Variants in DPP9 observed in about 807,000 individuals in gnomAD.
DPP9 encodes the protein dipeptidyl peptidase 9, also known as dipeptidyl peptidase IV-related protein-2.
A neutral mutation model predicts 110.7 loss-of-function variants in DPP9; 50 were observed. That is an observed-to-expected ratio of 0.45 (90% CI 0.36 to 0.57). The LOEUF is 0.57. Among genes scored for constraint, DPP9 ranks in the 20% least tolerant of loss-of-function variants. The pLI is 0.00. For missense variants in DPP9, 1,022 were observed against 1,217.9 expected, an observed-to-expected ratio of 0.84 and a Z score of 2.39; for synonymous variants, 561 against 514.4, an observed-to-expected ratio of 1.09 and a Z score of -1.23.
rs549405724 is a variant in DPP9 at position 4,716,554 on chromosome 19, G to A, written c.57-2217C>T. Among the ~76,000 whole-genome samples the A allele has an allele frequency of 6.6e-5, 10 of 152,038 alleles. 1 individual carries two copies. Among genetic ancestry groups the A allele is most frequent in the East Asian group, 5.8e-4 (3 of 5,146 alleles). ...CGGGAGGCTGAGGCAGGAGAATGGC[G>A]TGAACCCGGGAGGCGGAGCTTGCAG... On this transcript the variant is annotated intron_variant, in intron 3 of 21. Transcript: ENST00000262960.
chr19:4,691,643 G>A (rs1422741249), intron 13 of DPP9, among the ~76,000 whole-genome samples: 2 of 150,198 alleles, frequency 1.3e-5, no homozygotes, highest in Non-Finnish European at 3.0e-5. Flanking sequence ...GACCTCTTAG[G>A]ACACATTAGG....
Position 4,700,220 on chromosome 19 carries a change from C to G in DPP9, c.1070G>C (p.Gly357Ala). Residue 357 changes from glycine to alanine, a missense_variant, in exon 10 of 22, where the codon GGC becomes GCC. Transcript: ENST00000262960. This position sits in a 1 kb window ranked among gnomAD's most constrained non-coding sequence, Gnocchi z 4.3. ...KLAEFQTDSQ[G>A]KIVSTQEKEL... Reference sequence around the variant, plus strand: ...GTATGCAGCAGGCCCCCTTACCTTGCCCTGGCTGTCAGTCTGGAACTCAGC... The same window carrying G: ...GTATGCAGCAGGCCCCCTTACCTTGGCCTGGCTGTCAGTCTGGAACTCAGC... 6.3e-7 allele frequency: 1 copy of G among 1,583,702 alleles called. No individual in the cohort carries two copies. Among genetic ancestry groups the G allele is most frequent in the Admixed American group, 1.7e-5 (1 of 58,394 alleles).
At position 4,700,743 on chromosome 19, in the gene DPP9, G is replaced by A. The variant is rs1384158842; in HGVS notation, c.1013-466C>T. On this transcript the variant is annotated intron_variant, in intron 9 of 21. Coordinates refer to ENST00000262960, the MANE Select transcript of DPP9 (RefSeq NM_139159.5). This position sits in a 1 kb window ranked among gnomAD's most constrained non-coding sequence, Gnocchi z 4.3. Reference sequence around the variant, plus strand: ...GTGACAGCCAGACCTGCGCCCTCCGGAGGCCAATGGCGACAGAATAAGGGA... The same window carrying A: ...GTGACAGCCAGACCTGCGCCCTCCGAAGGCCAATGGCGACAGAATAAGGGA... 1.3e-5 allele frequency among the ~76,000 whole-genome samples: 2 copies of A among 152,170 alleles called. No homozygotes were observed. The highest frequency in any genetic ancestry group is 4.8e-5 in the African/African-American group (2 of 41,436).
rs1004790701 is a variant in DPP9 at position 4,676,265 on chromosome 19, T to A, written c.*299A>T. The A allele has an allele frequency of 6.7e-5, 30 of 451,126 alleles. No homozygotes were observed. The highest frequency in any genetic ancestry group is 1.2e-4 in the Non-Finnish European group (29 of 242,646). 27.9% of individuals were successfully genotyped at this position (451,126 alleles called of 1,614,324 possible). A position where few individuals can be genotyped will look rare whatever the true frequency, so the allele number is the denominator to read the frequency against. On this transcript the variant is annotated 3_prime_UTR_variant, in exon 22 of 22. Coordinates refer to ENST00000262960, the MANE Select transcript of DPP9 (RefSeq NM_139159.5). This position sits in a 1 kb window ranked among gnomAD's most constrained non-coding sequence, Gnocchi z 4.0. ...GCTCCTCTGAGTCTCTTCTGGCCTC[T>A]CCAGTGCCCATCAGCGTGTGACCTC...
At chr19:4,707,643 T>C (rs189205298) in intron 4 of DPP9, among the ~76,000 whole-genome samples, 2 of 132,466 alleles carry the variant, frequency 1.5e-5, no homozygotes, top group East Asian at 4.4e-4. Context: ...TTTTTTTTTC[T>C]GAGACACAGT....
rs1157589850 is a variant in DPP9, at chr19:4,695,559, AGGGGGAAGATGC to A, written c.1176-16_1176-5del. The A allele has an allele frequency of 1.0e-5, 15 of 1,466,732 alleles. No individual in the cohort carries two copies. The highest frequency in any genetic ancestry group is 1.5e-5 in the African/African-American group (1 of 68,812). The allele number at this position is 1,466,732 out of a possible 1,614,324, so 90.9% of individuals were successfully genotyped here. A position where few individuals can be genotyped will look rare whatever the true frequency, so the allele number is the denominator to read the frequency against. ...GTCCAGGAACATGGCCCAGGCGCTAAGGGGGAAGATGCGGGGGAAGATGAGAGGGAAGCTGGG... is the reference window on the plus strand; with the variant it reads ...GTCCAGGAACATGGCCCAGGCGCTAAGGGGGAAGATGAGAGGGAAGCTGGG... On this transcript the variant is annotated splice_polypyrimidine_tract_variant and splice_region_variant and intron_variant, in intron 11 of 21. Coordinates refer to ENST00000262960, the MANE Select transcript of DPP9 (RefSeq NM_139159.5). This position sits in a 1 kb window ranked among gnomAD's most constrained non-coding sequence, Gnocchi z 4.7.
At position 4,694,827 on chromosome 19, in the gene DPP9, T is replaced by G; in HGVS notation, c.1354-4A>C. The G allele has an allele frequency of 1.2e-6, 2 of 1,613,500 alleles. No homozygotes were observed. Among genetic ancestry groups the G allele is most frequent in the Non-Finnish European group, 1.7e-6 (2 of 1,179,736 alleles). ...AGGGATAGAAGATGTCATGAACCTGTCCGGAAAGCAGATAGAAGATGCGTC... is the reference window on the plus strand; with the variant it reads ...AGGGATAGAAGATGTCATGAACCTGGCCGGAAAGCAGATAGAAGATGCGTC... On this transcript the variant is annotated splice_region_variant and splice_polypyrimidine_tract_variant and intron_variant, in intron 12 of 21. Transcript: ENST00000262960. This position sits in a 1 kb window ranked among gnomAD's most constrained non-coding sequence, Gnocchi z 4.0.
At position 4,690,533 on chromosome 19, in the gene DPP9, CA is replaced by C. The variant is rs528805007; in HGVS notation, c.1596+344del. ...AACAAGGCAGCTGGACGCATGGCCC[CA>C]GACGGCCTGCAGAGGACACACTTCC... is the stretch of plus-strand genomic sequence containing the variant. On this transcript the variant is annotated intron_variant, in intron 14 of 21. Coordinates refer to ENST00000262960, the MANE Select transcript of DPP9 (RefSeq NM_139159.5). Among the ~76,000 whole-genome samples, 780 of 152,346 alleles carry C rather than the reference CA, an allele frequency of 5.1e-3. 8 individuals are homozygous for C. The highest frequency in any genetic ancestry group is 0.032 in the South Asian group (154 of 4,830).
In DPP9 at chr19:4,687,958, G is replaced by A. The variant is rs1350672539; in HGVS notation, c.1885+799C>T. ...ACTACAGGCGCCCGCCACCATGCTC[G>A]GCTAATTTTTTGTATTTTTAGTAGA... On this transcript the variant is annotated intron_variant, in intron 16 of 21. Transcript: ENST00000262960. The surrounding 1 kb of genome is among the most constrained non-coding windows in gnomAD (Gnocchi z 4.7). Among the ~76,000 whole-genome samples the A allele has an allele frequency of 1.3e-5, 2 of 151,976 alleles. No homozygotes were observed. Among genetic ancestry groups the A allele is most frequent in the South Asian group, 2.1e-4 (1 of 4,810 alleles).
intron 2 of DPP9, among the ~76,000 whole-genome samples, chr19:4,721,358 TTGAA>T (rs2093315230): frequency 6.6e-6 from 1 of 152,136 alleles, no homozygotes; most frequent in South Asian, 2.1e-4. Flanking sequence ...ACATTTCAGG[TTGAA>T]TGAATGAGCT....
At position 4,721,833 on chromosome 19, in the gene DPP9, G is replaced by A. The variant is rs187495544; in HGVS notation, c.-36+666C>T. On this transcript the variant is annotated intron_variant, in intron 2 of 21. Transcript: ENST00000262960. ...GGACAGGACTGAGATTTTAAGGGAAGAGGTTAAGCATAAAGTCACCACGAA... is the reference window on the plus strand; with the variant it reads ...GGACAGGACTGAGATTTTAAGGGAAAAGGTTAAGCATAAAGTCACCACGAA... Among the ~76,000 whole-genome samples the A allele has an allele frequency of 1.1e-4, 17 of 152,306 alleles. No individual in the cohort carries two copies. In the East Asian group the frequency reaches 3.1e-3, roughly 28 times the overall value.
chr19:4,684,618 T>C lies in DPP9; in HGVS notation c.2178+45A>G. 6.2e-7 allele frequency: 1 copy of C among 1,607,658 alleles called. No homozygotes were observed. The highest frequency in any genetic ancestry group is 8.5e-7 in the Non-Finnish European group (1 of 1,177,032). On this transcript the variant is annotated intron_variant, in intron 18 of 21. Coordinates refer to ENST00000262960, the MANE Select transcript of DPP9 (RefSeq NM_139159.5). The surrounding 1 kb of genome is among the most constrained non-coding windows in gnomAD (Gnocchi z 4.8). ...TGCACCCACACGGCCCAGGGCTCCC[T>C]TCCCGAGACCCAAAGGACCCAGAGC...
At chr19:4,709,021 G>A (rs760328942) in intron 4 of DPP9, among the ~76,000 whole-genome samples, 10 of 152,132 alleles carry the variant, frequency 6.6e-5, no homozygotes, top group African/African-American at 1.9e-4. Context: ...GGGTTCATGC[G>A]ACTCTCCTGC....
In DPP9 at chr19:4,682,278, A is replaced by C. The variant is rs2090009842; in HGVS notation, c.2474+418T>G. ...GAATAAGACCCATGTCAAAAGCATA[A>C]AATGGGACATCTGAGCTGGTCCCTG... On this transcript the variant is annotated intron_variant, in intron 20 of 21. Coordinates refer to ENST00000262960, the MANE Select transcript of DPP9 (RefSeq NM_139159.5). This position sits in a 1 kb window ranked among gnomAD's most constrained non-coding sequence, Gnocchi z 7.1. Among the ~76,000 whole-genome samples the C allele has an allele frequency of 6.6e-6, 1 of 152,218 alleles. No homozygotes were observed. The highest frequency in any genetic ancestry group is 1.5e-5 in the Non-Finnish European group (1 of 68,028).
At chr19:4,713,159 C>T (rs1424882741) in intron 4 of DPP9, among the ~76,000 whole-genome samples, 1 of 152,242 alleles carries the variant, frequency 6.6e-6, no homozygotes, top group Non-Finnish European at 1.5e-5. Flanking sequence ...GGCCCCACCC[C>T]AGAGAACGAT....
intron 20 of DPP9, among the ~76,000 whole-genome samples, chr19:4,681,289 A>T (rs1412668024): frequency 1.3e-5 from 2 of 152,120 alleles, no homozygotes; most frequent in Non-Finnish European, 2.9e-5. Flanking sequence ...CTTTAAGGTG[A>T]CTGTTAGGTT....
intron 4 of DPP9, among the ~76,000 whole-genome samples, chr19:4,707,112 G>A (rs1472888957): frequency 6.6e-6 from 1 of 152,196 alleles, no homozygotes; most frequent in Non-Finnish European, 1.5e-5. Flanking sequence ...CCAAGCGAGG[G>A]TTTTGGGTGG....
At chr19:4,719,817 C>G in intron 3 of DPP9, 34 bp downstream of exon 3, 1 of 1,551,230 alleles carries the variant, frequency 6.4e-7, no homozygotes, top group South Asian at 1.2e-5. Flanking sequence ...TGGGCCACAT[C>G]CTCACGGATC....
intron 4 of DPP9, among the ~76,000 whole-genome samples, chr19:4,706,699 C>T (rs549394067): frequency 3.3e-5 from 5 of 152,274 alleles, no homozygotes; most frequent in South Asian, 4.1e-4. Context: ...GCCTGTAATC[C>T]CAGCTACTCG....
Sources: gnomAD v4.1 joint callset for allele counts (sites outside exome capture counted in the v4.1 genomes callset) on GRCh38, gnomAD v4.1.1 for gene constraint, Gnocchi (gnomAD v3.1) non-coding constraint, MANE v1.5 for transcripts, NCBI Gene and HGNC (gene_info 2026-07-23, HGNC 2026-07-21) for gene names.